The following TXNRD3 variants were observed in gnomAD, a reference collection of about 807,000 sequenced individuals.
The protein encoded by TXNRD3 is thioredoxin reductase 3, also known as TXNRD3 neighbor gene protein.
In TXNRD3, 68 loss-of-function variants were observed where a neutral mutation model predicts 78.2. The ratio of observed to expected loss-of-function variants is 0.87; its 90% confidence interval spans 0.72 to 1.06. The LOEUF (loss-of-function observed/expected upper bound fraction) is 1.06. Ranked by LOEUF, TXNRD3 falls within the 50% of genes least tolerant of loss-of-function variation. The pLI is 0.00. For missense variants in TXNRD3, 751 were observed against 809.5 expected (o/e 0.93, Z 0.88); for synonymous variants, 296 against 300.1 (o/e 0.99, Z 0.14).
At position 126,647,261 on chromosome 3, in the gene TXNRD3, A is replaced by G. The variant is rs1383916809; in HGVS notation, c.279T>C (p.Cys93=). The change falls in exon 2 of 16, where the codon TGT becomes TGC. Residue 93 remains cysteine, a synonymous_variant. Transcript: ENST00000524230. ...CAACTTGATCAAGTTCCAAGACATT[A>G]CATTCGACTCCCAAAGAAGAAAAGA... The G allele has an allele frequency of 6.5e-7, 1 of 1,535,738 alleles. No individual in the cohort carries two copies. The highest frequency in any genetic ancestry group is 8.7e-7 in the Non-Finnish European group (1 of 1,146,816).
rs745414664 is a variant in TXNRD3 at position 126,630,800 on chromosome 3, C to T, written c.1109G>A (p.Arg370His). The stretch of plus-strand genomic sequence containing the variant: ...TTCTGCCATTTCTTGGTCGAAGCCA[C>T]GGAGAAGGATTGAGCGTACCATAAC... Residue 370 changes from arginine (R) to histidine (H), a missense_variant, in exon 9 of 16, where the codon CGT becomes CAT. Transcript: ENST00000524230. 127 of 1,535,114 alleles carry T rather than the reference C, an allele frequency of 8.3e-5. No homozygotes were observed. The highest frequency in any genetic ancestry group is 5.6e-4 in the Middle Eastern group (3 of 5,358).
chr3:126,638,302 A>G (rs1452528060), intron 6 of TXNRD3, among the ~76,000 whole-genome samples: 1 of 152,138 alleles, frequency 6.6e-6, no homozygotes, highest in African/African-American at 2.4e-5. Context: ...CTCCCAGAAC[A>G]TGATTTTGGC....
intron 5 of TXNRD3, 100 bp from the exon 6 acceptor site, chr3:126,642,251 TG>T (rs1362836596): frequency 3.5e-5 from 48 of 1,355,962 alleles, no homozygotes; most frequent in South Asian, 1.0e-4. Flanking sequence ...AGCTCAATGG[TG>T]GGGGGGATGA....
chr3:126,610,737 C>T (rs1249560265), intron 14 of TXNRD3, among the ~76,000 whole-genome samples: 2 of 152,170 alleles, frequency 1.3e-5, no homozygotes, highest in African/African-American at 4.8e-5. Context: ...TGAGAGGACA[C>T]TGGTAGGGCT....
intron 2 of TXNRD3, among the ~76,000 whole-genome samples, chr3:126,646,590 T>C (rs1576297001): frequency 6.6e-6 from 1 of 152,206 alleles, no homozygotes; most frequent in Non-Finnish European, 1.5e-5. Flanking sequence ...TTTATGGTCA[T>C]AGTCCAATAT....
chr3:126,609,656 T>C (rs1018822092), intron 14 of TXNRD3, among the ~76,000 whole-genome samples: 7 of 152,092 alleles, frequency 4.6e-5, no homozygotes, highest in Non-Finnish European at 1.0e-4. Context: ...ATGCTCCCCA[T>C]AGTTAAAGAG....
At chr3:126,608,971 T>C (rs1296390521) in intron 14 of TXNRD3, among the ~76,000 whole-genome samples, 2 of 152,002 alleles carry the variant, frequency 1.3e-5, no homozygotes, top group African/African-American at 2.4e-5. Flanking sequence ...AAGTCCAACA[T>C]TGGAATAACT....
chr3:126,635,360 A>G (rs1323227930), intron 6 of TXNRD3, among the ~76,000 whole-genome samples: 1 of 152,212 alleles, frequency 6.6e-6, no homozygotes, highest in African/African-American at 2.4e-5. Flanking sequence ...CTATGGAATC[A>G]GGAGTGGGAC....
chr3:126,631,683 T>C (rs1938717763), intron 8 of TXNRD3, 81 bp downstream of exon 8: 3 of 860,086 alleles, frequency 3.5e-6, no homozygotes, highest in Non-Finnish European at 5.5e-6. Context: ...TTTTGTGGAA[T>C]AAGACAGGAA....
chr3:126,651,252 A>C (rs571744090), intron 1 of TXNRD3, among the ~76,000 whole-genome samples: 9 of 152,348 alleles, frequency 5.9e-5, no homozygotes, highest in Admixed American at 1.3e-4. Context: ...CAAGAAAAAC[A>C]CTTGGCGAAA....
At chr3:126,651,543 T>C (rs989629947) in intron 1 of TXNRD3, among the ~76,000 whole-genome samples, 4 of 152,244 alleles carry the variant, frequency 2.6e-5, no homozygotes. Context: ...CACCCTACAT[T>C]ATGTGCCTGA....
intron 11 of TXNRD3, 76 bp from the exon 12 acceptor site, chr3:126,621,974 A>G: frequency 8.2e-7 from 1 of 1,218,312 alleles, no homozygotes; most frequent in Non-Finnish European, 1.1e-6. Context: ...ACTATTAGCC[A>G]AAAGACTAAA....
At chr3:126,627,390 G>T (rs1269553346) in intron 10 of TXNRD3, among the ~76,000 whole-genome samples, 2 of 152,182 alleles carry the variant, frequency 1.3e-5, no homozygotes, top group African/African-American at 4.8e-5. Context: ...AATAGTGGTT[G>T]CTTGGGGGTC....
Position 126,655,090 on chromosome 3 carries a change from C to T in TXNRD3, c.-100G>A. 7.7e-7 allele frequency: 1 copy of T among 1,300,144 alleles called. No homozygotes were observed. The highest frequency in any genetic ancestry group is 9.8e-7 in the Non-Finnish European group (1 of 1,024,002). The allele number at this position is 1,300,144 out of a possible 1,614,324, so 80.5% of individuals were successfully genotyped here. A position where few individuals can be genotyped will look rare whatever the true frequency, so the allele number is the denominator to read the frequency against. On this transcript the variant is annotated 5_prime_UTR_variant, in exon 1 of 16. Transcript: ENST00000524230. ...GGCCTGAGGGGCGGCGAACGCTGCC[C>T]TCGCTGGCCACTCTCACCACCCGCG...
In TXNRD3 at chr3:126,607,791, A is replaced by G. The variant is rs1938083096; in HGVS notation, c.*114T>C. On this transcript the variant is annotated 3_prime_UTR_variant, in exon 16 of 16. Transcript: ENST00000524230. ...TCTAAGTGTCGTAAGACAGCCCTGC[A>G]CTGGTCCCTGAGTAACAGAGCAGCT... 1 of 781,264 alleles carries G rather than the reference A, an allele frequency of 1.3e-6. No individual in the cohort carries two copies. The highest frequency in any genetic ancestry group is 1.9e-6 in the Non-Finnish European group (1 of 516,398). 48.4% of individuals were successfully genotyped at this position (781,264 alleles called of 1,614,324 possible).
intron 12 of TXNRD3, among the ~76,000 whole-genome samples, chr3:126,620,719 G>A (rs1280000355): frequency 1.3e-5 from 2 of 152,128 alleles, no homozygotes; most frequent in African/African-American, 4.8e-5. Context: ...CCTAGAGAAG[G>A]CCCTACCAAT....
intron 9 of TXNRD3, 43 bp from the exon 10 acceptor site, chr3:126,629,514 A>C (rs1938661878): frequency 6.9e-7 from 1 of 1,445,874 alleles, no homozygotes. Flanking sequence ...TAAATATGAT[A>C]AAAAAGAAAT....
At chr3:126,616,997 T>C (rs1158453490) in intron 12 of TXNRD3, among the ~76,000 whole-genome samples, 1 of 152,236 alleles carries the variant, frequency 6.6e-6, no homozygotes, top group African/African-American at 2.4e-5. Flanking sequence ...CACTCACATG[T>C]TGCCGATCCA....
intron 6 of TXNRD3, among the ~76,000 whole-genome samples, chr3:126,635,201 G>A (rs959049655): frequency 6.6e-6 from 1 of 152,092 alleles, no homozygotes; most frequent in African/African-American, 2.4e-5. Context: ...TTTATCCTAA[G>A]AATCCTGTCA....
Sources: allele counts gnomAD v4.1 joint callset (sites outside exome capture counted in the v4.1 genomes callset), GRCh38; gene constraint gnomAD v4.1.1; transcripts MANE v1.5; gene names NCBI Gene and HGNC (gene_info 2026-07-23, HGNC 2026-07-21).